DLC1: variants seen among roughly 807,000 people sequenced by gnomAD.
The protein encoded by DLC1 is DLC1 Rho GTPase activating protein.
In DLC1, 54 loss-of-function variants were observed where a neutral mutation model predicts 140.3. That is an observed-to-expected ratio of 0.38 (90% CI 0.31 to 0.48). The LOEUF (loss-of-function observed/expected upper bound fraction) is 0.48, where lower values mean the gene tolerates loss of function less well. DLC1 is among the 20% of genes least tolerant of loss of function. The pLI is 0.96. For synonymous variants in DLC1, 986 were observed against 728.1 expected (o/e 1.35, Z -5.70); for missense variants, 2,536 against 1,907.0 (o/e 1.33, Z -6.14).
At chr8:13,274,708 T>A (rs1444255711) in intron 5 of DLC1, among the ~76,000 whole-genome samples, 3 of 152,186 alleles carry the variant, frequency 2.0e-5, no homozygotes, top group Non-Finnish European at 4.4e-5. Flanking sequence ...TATGAAAATG[T>A]AAGAGGAAAT....
At chr8:13,097,151 T>A (rs1421179629) in intron 10 of DLC1, among the ~76,000 whole-genome samples, 1 of 152,166 alleles carries the variant, frequency 6.6e-6, no homozygotes, top group Non-Finnish European at 1.5e-5. Context: ...AGTAGTGAAT[T>A]CCTTAAAATA....
In DLC1 at chr8:13,083,783, G is replaced by T. The variant is rs1229587534; in HGVS notation, c.*2028C>A. 15 of 152,622 alleles carry T rather than the reference G, an allele frequency of 9.8e-5. No homozygotes were observed. The allele number at this position is 152,622 out of a possible 1,614,324, so 9.5% of individuals were successfully genotyped here. A position where few individuals can be genotyped will look rare whatever the true frequency, so the allele number is the denominator to read the frequency against. On this transcript the variant is annotated 3_prime_UTR_variant, in exon 18 of 18. Transcript: ENST00000276297. ...GTGGCTCAGTTGCAGTTTGGCCTTG[G>T]AATGATTTGCAGTCCGATTTTTCCT...
intron 5 of DLC1, among the ~76,000 whole-genome samples, chr8:13,190,374 C>T (rs1317033974): frequency 2.6e-5 from 4 of 152,070 alleles, no homozygotes; most frequent in Non-Finnish European, 5.9e-5. Flanking sequence ...TTTCCACTGT[C>T]ACCACCCATG....
At chr8:13,437,545 A>G (rs1387008316) in intron 2 of DLC1, among the ~76,000 whole-genome samples, 1 of 152,216 alleles carries the variant, frequency 6.6e-6, no homozygotes, top group African/African-American at 2.4e-5. Context: ...ATGTCTTTCA[A>G]CATATCACGT....
chr8:13,295,925 ATCAGATAAGATTCTTTGTTTTTTTTT>A (rs1328707719), intron 5 of DLC1, among the ~76,000 whole-genome samples: 3 of 144,262 alleles, frequency 2.1e-5, no homozygotes, highest in African/African-American at 7.7e-5. Flanking sequence ...CTAAGAGATG[ATCAGATAAGATTCTTTGTTTTTTTTT>A]TTTTTTTTTT....
At chr8:13,270,048 C>T (rs187817424) in intron 5 of DLC1, among the ~76,000 whole-genome samples, 1,831 of 147,588 alleles carry the variant, frequency 0.012, 21 homozygotes, top group Non-Finnish European at 0.022. Flanking sequence ...CAGAGAGAGA[C>T]TCCGTCTCAA....
intron 5 of DLC1, among the ~76,000 whole-genome samples, chr8:13,302,441 G>C (rs191196093): frequency 1.3e-5 from 2 of 152,198 alleles, no homozygotes; most frequent in African/African-American, 4.8e-5. Flanking sequence ...TGTCATCACA[G>C]GGCAGGAGAC....
chr8:13,218,934 G>A (rs1421523712), intron 5 of DLC1, among the ~76,000 whole-genome samples: 3 of 50,138 alleles, frequency 6.0e-5, no homozygotes, highest in East Asian at 1.0e-3. Context: ...AATTACGTAC[G>A]AATATGATTA....
chr8:13,507,516 T>A (rs1414965709), intron 1 of DLC1, among the ~76,000 whole-genome samples: 1 of 152,192 alleles, frequency 6.6e-6, no homozygotes, highest in Non-Finnish European at 1.5e-5. Context: ...TTTAATAACA[T>A]GATGCAAGAA....
chr8:13,592,021 C>T (rs1314675103), intron 1 of DLC1, among the ~76,000 whole-genome samples: 1 of 151,942 alleles, frequency 6.6e-6, no homozygotes, highest in Non-Finnish European at 1.5e-5. Context: ...GATTCACTGA[C>T]ATGATTAAAG....
chr8:13,584,373 T>C (rs1221565112), intron 1 of DLC1: 1 of 153,168 alleles, frequency 6.5e-6, no homozygotes, highest in African/African-American at 2.4e-5. Context: ...GAAATAGTAC[T>C]GGATGGACTC....
intron 2 of DLC1, among the ~76,000 whole-genome samples, chr8:13,418,996 C>A (rs1218299341): frequency 6.6e-6 from 1 of 150,884 alleles, no homozygotes; most frequent in South Asian, 2.1e-4. Context: ...GGAGTTCACT[C>A]ATGATTTGGC....
Position 13,264,012 on chromosome 8 carries a change from T to C in DLC1, c.1348+41257A>G, listed in dbSNP as rs986833506. ...TTCAACAGGATAATGAATAAGTAAA[T>C]TAGGGCATATTTGTATGACAGCAAT... is the stretch of plus-strand genomic sequence containing the variant. On this transcript the variant is annotated intron_variant, in intron 5 of 17. Transcript: ENST00000276297. Among the ~76,000 whole-genome samples the C allele has an allele frequency of 7.9e-4, 120 of 151,634 alleles. 1 individual carries two copies. Among genetic ancestry groups the C allele is most frequent in the Non-Finnish European group, 1.3e-3 (91 of 67,890 alleles).
intron 4 of DLC1, among the ~76,000 whole-genome samples, chr8:13,376,549 C>T (rs1052085341): frequency 1.3e-5 from 2 of 152,038 alleles, no homozygotes; most frequent in Non-Finnish European, 2.9e-5. Flanking sequence ...TAGAGTAGAA[C>T]GTGTGATTTT....
intron 7 of DLC1, among the ~76,000 whole-genome samples, chr8:13,108,590 C>A (rs985889296): frequency 6.6e-6 from 1 of 152,194 alleles, no homozygotes; most frequent in African/African-American, 2.4e-5. Flanking sequence ...AAAAAGCATT[C>A]AAGAATTTAA....
chr8:13,567,378 G>A, intron 1 of DLC1: 2 of 1,551,702 alleles, frequency 1.3e-6, no homozygotes, highest in South Asian at 1.2e-5. Context: ...GCACCATGAA[G>A]ATAAATTTGA....
intron 1 of DLC1, among the ~76,000 whole-genome samples, chr8:13,524,970 C>G (rs1032027943): frequency 6.6e-6 from 1 of 152,120 alleles, no homozygotes; most frequent in African/African-American, 2.4e-5. Context: ...TTCCTCCTGC[C>G]TCTTTGCCAT....
intron 1 of DLC1, among the ~76,000 whole-genome samples, chr8:13,601,373 C>G (rs947788564): frequency 1.3e-5 from 2 of 151,744 alleles, no homozygotes; most frequent in Non-Finnish European, 3.0e-5. Flanking sequence ...AAGTAGTCTA[C>G]TCATTTAGTC....
chr8:13,542,719 T>A (rs56759784), intron 1 of DLC1, among the ~76,000 whole-genome samples: 5,739 of 152,258 alleles, frequency 0.038, 342 homozygotes, highest in African/African-American at 0.13. Flanking sequence ...TTTGTTAAAT[T>A]TATCCATAAA....
Sources: gnomAD v4.1 joint callset for allele counts (sites outside exome capture counted in the v4.1 genomes callset) on GRCh38, gnomAD v4.1.1 for gene constraint, MANE v1.5 for transcripts, NCBI Gene and HGNC (gene_info 2026-07-23, HGNC 2026-07-21) for gene names.